BMP8B: variants seen among roughly 807,000 people sequenced by gnomAD.
BMP8B encodes the protein bone morphogenetic protein 8 (osteogenic protein 2).
Under a neutral mutation model 30.3 loss-of-function variants are expected in BMP8B, and 17 were observed. The ratio of observed to expected loss-of-function variants is 0.56; its 90% confidence interval spans 0.38 to 0.84. The LOEUF (loss-of-function observed/expected upper bound fraction) is 0.84, where lower values mean the gene tolerates loss of function less well. Among genes scored for constraint, BMP8B ranks in the 40% least tolerant of loss-of-function variants. BMP8B has a pLI of 0.00. For missense variants in BMP8B, 253 were observed against 494.6 expected (o/e 0.51, Z 4.63); for synonymous variants, 131 against 214.7 (o/e 0.61, Z 3.41).
At position 39,772,527 on chromosome 1, in the gene BMP8B, T is replaced by G. The variant is rs1273445887; in HGVS notation, c.673+1781A>C. On this transcript the variant is annotated intron_variant, in intron 3 of 6. Coordinates refer to ENST00000372827, the MANE Select transcript of BMP8B (RefSeq NM_001720.5). Reference sequence around the variant, plus strand: ...GGCATTTCCATGAGGACCAGTGATCTCAGTAACATCCCAGGGGGGTCAGTA... The same window carrying G: ...GGCATTTCCATGAGGACCAGTGATCGCAGTAACATCCCAGGGGGGTCAGTA... Among the ~76,000 whole-genome samples, 2 of 86,514 alleles carry G rather than the reference T, an allele frequency of 2.3e-5. 1 individual carries two copies. Among genetic ancestry groups the G allele is most frequent in the Non-Finnish European group, 4.8e-5 (2 of 41,346 alleles). The allele number at this position is 86,514 out of a possible 152,430, so 56.8% of individuals were successfully genotyped here. A position where few individuals can be genotyped will look rare whatever the true frequency, so the allele number is the denominator to read the frequency against.
chr1:39,760,286 T>C lies in BMP8B; in HGVS notation c.*133A>G. The C allele has an allele frequency of 1.4e-6, 2 of 1,383,176 alleles. No individual in the cohort carries two copies. The highest frequency in any genetic ancestry group is 2.7e-5 in the South Asian group (2 of 73,382). The allele number at this position is 1,383,176 out of a possible 1,614,324, so 85.7% of individuals were successfully genotyped here. A position where few individuals can be genotyped will look rare whatever the true frequency, so the allele number is the denominator to read the frequency against. On this transcript the variant is annotated 3_prime_UTR_variant, in exon 7 of 7. Coordinates refer to ENST00000372827, the MANE Select transcript of BMP8B (RefSeq NM_001720.5). The stretch of plus-strand genomic sequence containing the variant: ...GGAGCCTGGCATGAAGGAGAAAGGG[T>C]CATGTACGTGGTTGTGAGGGTCCTC...
chr1:39,763,931 C>G, intron 4 of BMP8B, 140 bp from the exon 5 acceptor site: 2 of 1,120,558 alleles, frequency 1.8e-6, no homozygotes, highest in East Asian at 2.6e-5. Flanking sequence ...CTCATAAAGC[C>G]CATCCCTGGA....
chr1:39,787,573 A>C (rs1484183435), intron 1 of BMP8B, among the ~76,000 whole-genome samples: 25 of 151,984 alleles, frequency 1.6e-4, no homozygotes, highest in Non-Finnish European at 1.5e-4. Flanking sequence ...ATCACATCCC[A>C]GGTGTTGGGC....
At chr1:39,769,862 C>A (rs749210713) in intron 3 of BMP8B, 2 of 1,611,490 alleles carry the variant, frequency 1.2e-6, no homozygotes, top group East Asian at 4.5e-5. Context: ...GGTGATGATG[C>A]GGTCCACGCA....
chr1:39,785,373 A>T (rs1249673755), intron 1 of BMP8B, among the ~76,000 whole-genome samples: 5 of 149,070 alleles, frequency 3.4e-5, no homozygotes, highest in African/African-American at 9.9e-5. Flanking sequence ...ACAGGCTGAT[A>T]TGGATGACAG....
Position 39,763,126 on chromosome 1 carries a change from A to T in BMP8B, c.1025T>A (p.Met342Lys). 6.2e-7 allele frequency: 1 copy of T among 1,614,050 alleles called. No individual in the cohort carries two copies. Among genetic ancestry groups the T allele is most frequent in the South Asian group, 1.1e-5 (1 of 91,082 alleles). ...CAGGATGGCGTGGTTGGTGGCATTCATGCAGGAGTCCAGTGGGAAGGAGCA... is the reference window on the plus strand; with the variant it reads ...CAGGATGGCGTGGTTGGTGGCATTCTTGCAGGAGTCCAGTGGGAAGGAGCA... ...GECSFPLDSC[M>K]NATNHAILQS... is the part of the protein sequence containing the mutation. The change falls in exon 6 of 7, where the codon ATG (methionine) becomes AAG (lysine). Residue 342 changes from methionine (M) to lysine (K), a missense_variant. By Grantham distance (95) the Met-to-Lys change is moderately conservative (BLOSUM62 -1). Around this residue, in one of 7 missense-constraint regions of BMP8B, gnomAD observed 116 missense variants for 142.3 expected, o/e 0.81. Transcript: ENST00000372827.
At chr1:39,760,613 T>G (rs1409330932) in intron 6 of BMP8B, 45 bp from the exon 7 acceptor site, 7 of 1,593,674 alleles carry the variant, frequency 4.4e-6, no homozygotes, top group South Asian at 1.1e-5. Flanking sequence ...CCCAGTGGCC[T>G]CCTCCAAGGA....
At chr1:39,768,172 A>G (rs1347731244) in intron 3 of BMP8B, among the ~76,000 whole-genome samples, 1 of 151,132 alleles carries the variant, frequency 6.6e-6, no homozygotes, top group East Asian at 2.0e-4. Context: ...GTTACAACGG[A>G]CCATCACACA....
At position 39,784,882 on chromosome 1, in the gene BMP8B, G is replaced by A. The variant is rs970409947; in HGVS notation, c.334+3270C>T. ...AAGGGATCAGGACAAAAATGAAGCT[G>A]CCTGCATTCTGATCCTGGCTGGACT... On this transcript the variant is annotated intron_variant, in intron 1 of 6. Coordinates refer to ENST00000372827, the MANE Select transcript of BMP8B (RefSeq NM_001720.5). Among the ~76,000 whole-genome samples, 2 of 108,046 alleles carry A rather than the reference G, an allele frequency of 1.9e-5. 1 individual carries two copies. Among genetic ancestry groups the A allele is most frequent in the African/African-American group, 6.0e-5 (2 of 33,602 alleles). The allele number at this position is 108,046 out of a possible 152,430, so 70.9% of individuals were successfully genotyped here.
intron 1 of BMP8B, among the ~76,000 whole-genome samples, chr1:39,782,531 G>C (rs1364284307): frequency 6.6e-6 from 1 of 151,892 alleles, no homozygotes; most frequent in East Asian, 1.9e-4. Flanking sequence ...GCAATGGCGC[G>C]ATCTCGGCTC....
At chr1:39,783,213 GC>G (rs1407141666) in intron 1 of BMP8B, among the ~76,000 whole-genome samples, 2 of 152,160 alleles carry the variant, frequency 1.3e-5, no homozygotes, top group Non-Finnish European at 2.9e-5. Context: ...CCACTCTGCT[GC>G]CCCACTTCCA....
chr1:39,768,080 ATG>A (rs1491416061), intron 3 of BMP8B, among the ~76,000 whole-genome samples: 3 of 146,330 alleles, frequency 2.1e-5, no homozygotes, highest in African/African-American at 7.4e-5. Context: ...GCACGCGTGC[ATG>A]CACACACACA....
chr1:39,764,848 C>A (rs749345848), intron 3 of BMP8B, 31 bp from the exon 4 acceptor site: 1 of 1,604,298 alleles, frequency 6.2e-7, no homozygotes, highest in East Asian at 2.2e-5. Flanking sequence ...GGGTCACTCA[C>A]GGGCAGTGGC....
At chr1:39,780,374 A>T (rs1366216229) in intron 1 of BMP8B, among the ~76,000 whole-genome samples, 1 of 152,240 alleles carries the variant, frequency 6.6e-6, no homozygotes, top group Non-Finnish European at 1.5e-5. Flanking sequence ...TTTGGGTCAA[A>T]GTCTGTCTGG....
rs756587866 is a variant in BMP8B at position 39,770,651 on chromosome 1, G to A, written c.673+3657C>T. The A allele has an allele frequency of 3.3e-6, 5 of 1,515,338 alleles. No homozygotes were observed. The East Asian group carries it at 9.6e-5, about 29-fold the overall frequency. The allele number at this position is 1,515,338 out of a possible 1,614,324, so 93.9% of individuals were successfully genotyped here. A position where few individuals can be genotyped will look rare whatever the true frequency, so the allele number is the denominator to read the frequency against. Reference sequence around the variant, plus strand: ...CACCAGGGCGAAGTCTGCCCGGATGGCGCGCTCCAAAAGGAAGTGGTCGCC... The same window carrying A: ...CACCAGGGCGAAGTCTGCCCGGATGACGCGCTCCAAAAGGAAGTGGTCGCC... On this transcript the variant is annotated intron_variant, in intron 3 of 6. Transcript: ENST00000372827.
intron 6 of BMP8B, 28 bp downstream of exon 6, chr1:39,763,064 G>A: frequency 6.2e-7 from 1 of 1,609,920 alleles, no homozygotes; most frequent in African/African-American, 1.3e-5. Context: ...CACCCCAGGG[G>A]GCTGGGCAGG....
chr1:39,763,180 C>A lies in BMP8B; in HGVS notation c.971G>T (p.Gly324Val), dbSNP rs1649254726. ...GWLDWVIAPQ[G>V]YSAYYCEGEC... ...CCCCTCACAGTAATAGGCCGAGTAG[C>A]CTTGGGGAGCGATGACCCAGTCCTG... Residue 324 changes from glycine to valine, a missense_variant, in exon 6 of 7, where the codon GGC becomes GTC. By Grantham distance (109) the Gly-to-Val change is moderately radical. Transcript: ENST00000372827. 2 of 1,613,392 alleles carry A rather than the reference C, an allele frequency of 1.2e-6. No homozygotes were observed. Among genetic ancestry groups the A allele is most frequent in the African/African-American group, 2.7e-5 (2 of 74,880 alleles).
Position 39,760,148 on chromosome 1 carries a change from C to A in BMP8B, c.*271G>T. 1 of 533,938 alleles carries A rather than the reference C, an allele frequency of 1.9e-6. No individual in the cohort carries two copies. Among genetic ancestry groups the A allele is most frequent in the Non-Finnish European group, 3.3e-6 (1 of 305,248 alleles). The allele number at this position is 533,938 out of a possible 1,614,324, so 33.1% of individuals were successfully genotyped here. The stretch of plus-strand genomic sequence containing the variant: ...GCCAACCCCAAAGAACCAGCCAGGA[C>A]ATGCCTCCGGGAGAGGCGTTTGCAT... On this transcript the variant is annotated 3_prime_UTR_variant, in exon 7 of 7. Transcript: ENST00000372827.
intron 6 of BMP8B, chr1:39,762,331 A>C (rs1276151335): frequency 1.5e-6 from 1 of 684,768 alleles, no homozygotes; most frequent in Admixed American, 3.5e-5. Flanking sequence ...GAGCCACCGC[A>C]CCTGATCAAG....
Sources: allele counts gnomAD v4.1 joint callset (sites outside exome capture counted in the v4.1 genomes callset), GRCh38; gene constraint gnomAD v4.1.1; regional missense constraint gnomAD v4.1.1; transcripts MANE v1.5; gene names NCBI Gene and HGNC (gene_info 2026-07-23, HGNC 2026-07-21).